Variants in TOM1L2 observed in about 807,000 individuals in gnomAD.
The protein encoded by TOM1L2 is target of myb1 like 2 membrane trafficking protein, also known as TOM1-like protein 2.
TOM1L2 carries 31 observed loss-of-function variants against 67.9 expected under a neutral mutation model. The observed-to-expected ratio is 0.46, with a 90% CI of 0.34 to 0.62. The LOEUF is 0.62. Ranked by LOEUF, TOM1L2 falls within the 20% of genes least tolerant of loss-of-function variation. The pLI is 0.01. For synonymous variants in TOM1L2, 256 were observed against 254.0 expected (o/e 1.01, Z -0.07); for missense variants, 606 against 663.5 (o/e 0.91, Z 0.95).
chr17:17,875,373 G>A (rs892985170), intron 7 of TOM1L2, among the ~76,000 whole-genome samples: 4 of 151,950 alleles, frequency 2.6e-5, no homozygotes, highest in African/African-American at 9.7e-5. Flanking sequence ...GTCCTCTGTG[G>A]TGTCATCACA....
At chr17:17,910,569 A>G (rs2039300560) in intron 1 of TOM1L2, among the ~76,000 whole-genome samples, 1 of 151,780 alleles carries the variant, frequency 6.6e-6, no homozygotes, top group African/African-American at 2.4e-5. Flanking sequence ...TACTATTATT[A>G]TTATTATTAT....
intron 1 of TOM1L2, among the ~76,000 whole-genome samples, chr17:17,910,581 T>A (rs375917269): frequency 2.3e-4 from 35 of 151,868 alleles, no homozygotes; most frequent in African/African-American, 6.3e-4. Flanking sequence ...TATTATTATT[T>A]TTATGTGAGA....
chr17:17,949,956 C>T (rs1340831063), intron 1 of TOM1L2, among the ~76,000 whole-genome samples: 1 of 152,088 alleles, frequency 6.6e-6, no homozygotes, highest in Non-Finnish European at 1.5e-5. Flanking sequence ...CTGCAAGCTC[C>T]GCCTCCCGGG....
At chr17:17,904,827 T>G (rs2039016920) in intron 2 of TOM1L2, among the ~76,000 whole-genome samples, 2 of 152,276 alleles carry the variant, frequency 1.3e-5, no homozygotes, top group African/African-American at 4.8e-5. Context: ...GGGACACATT[T>G]CTCCTGCCAT....
Position 17,972,346 on chromosome 17 carries a change from C to G in TOM1L2, c.-33G>C. 3 of 1,548,904 alleles carry G rather than the reference C, an allele frequency of 1.9e-6. No homozygotes were observed. The highest frequency in any genetic ancestry group is 1.2e-5 in the South Asian group (1 of 83,968). ...GGACAACACGCAGCGGCCCGGGCCC[C>G]CTGTCTGCCACCTAGGCCTCCGCTG... On this transcript the variant is annotated 5_prime_UTR_variant, in exon 1 of 15. Transcript: ENST00000379504.
chr17:17,893,270 C>T (rs2144213899), intron 4 of TOM1L2, among the ~76,000 whole-genome samples: 1 of 152,350 alleles, frequency 6.6e-6, no homozygotes, highest in South Asian at 2.1e-4. Flanking sequence ...CATCCCTTAA[C>T]ACCATCCCCA....
intron 8 of TOM1L2, chr17:17,869,038 T>TATCATTAAAAA: frequency 2.8e-6 from 1 of 352,134 alleles, no homozygotes; most frequent in South Asian, 3.0e-5. Flanking sequence ...GGCCCCCAAG[T>TATCATTAAAAA]GCTACCCCTC....
intron 1 of TOM1L2, among the ~76,000 whole-genome samples, chr17:17,933,246 G>A (rs547838508): frequency 4.9e-4 from 75 of 152,266 alleles, no homozygotes; most frequent in African/African-American, 1.6e-3. Context: ...TATAAAGCAG[G>A]CAGGAAGAAC....
intron 7 of TOM1L2, among the ~76,000 whole-genome samples, chr17:17,875,279 A>AAAAAAAT: frequency 1.3e-5 from 2 of 151,944 alleles, no homozygotes; most frequent in Admixed American, 6.6e-5. Flanking sequence ...GAAAAAAAAA[A>AAAAAAAT]AAAAAGGACA....
At chr17:17,901,116 T>C (rs1370171649) in intron 2 of TOM1L2, among the ~76,000 whole-genome samples, 1 of 152,168 alleles carries the variant, frequency 6.6e-6, no homozygotes, top group African/African-American at 2.4e-5. Context: ...AATTCATCCA[T>C]AGGCTCTGGG....
At chr17:17,896,602 C>T (rs2038584861) in intron 3 of TOM1L2, among the ~76,000 whole-genome samples, 1 of 152,196 alleles carries the variant, frequency 6.6e-6, no homozygotes, top group African/African-American at 2.4e-5. Context: ...GCAAGAGCCG[C>T]TTTAGGCCAC....
chr17:17,873,639 G>A (rs2037266436), intron 7 of TOM1L2, among the ~76,000 whole-genome samples: 1 of 152,248 alleles, frequency 6.6e-6, no homozygotes. Context: ...AGGGGTTGAT[G>A]TCAGTCTCCT....
At position 17,847,704 on chromosome 17, in the gene TOM1L2, A is replaced by G. The variant is rs751237099; in HGVS notation, c.1455T>C (p.Pro485=). Residue 485 remains proline, a synonymous_variant, in exon 15 of 15, where the codon CCT becomes CCC. Transcript: ENST00000379504. ...PDLPSPPMEA[P]APASNPSGRK... ...GGCCAGAAGGGTTTGAGGCTGGGGC[A>G]GGAGCCTCCATGGGGGGCGAGGGGA... 6 of 1,614,026 alleles carry G rather than the reference A, an allele frequency of 3.7e-6. 1 individual carries two copies. In the South Asian group the frequency reaches 6.6e-5, roughly 18 times the overall value.
intron 1 of TOM1L2, among the ~76,000 whole-genome samples, chr17:17,924,490 GT>G (rs1205899931): frequency 6.6e-6 from 1 of 152,148 alleles, no homozygotes; most frequent in Non-Finnish European, 1.5e-5. Flanking sequence ...CTAGGAATGT[GT>G]TCAATGTAGT....
chr17:17,944,886 G>T (rs2040877155), intron 1 of TOM1L2, among the ~76,000 whole-genome samples: 1 of 152,158 alleles, frequency 6.6e-6, no homozygotes, highest in African/African-American at 2.4e-5. Flanking sequence ...AACTCATCTG[G>T]GGCTAGTACT....
intron 1 of TOM1L2, among the ~76,000 whole-genome samples, chr17:17,935,050 T>C (rs2040467118): frequency 6.6e-6 from 1 of 152,212 alleles, no homozygotes; most frequent in South Asian, 2.1e-4. Flanking sequence ...GGAACCAAAA[T>C]GCACAAGACC....
At chr17:17,921,893 C>T (rs1273224963) in intron 1 of TOM1L2, among the ~76,000 whole-genome samples, 2 of 152,146 alleles carry the variant, frequency 1.3e-5, no homozygotes, top group Admixed American at 6.5e-5. Context: ...ACCACCAGCA[C>T]TCTCAGAGAA....
chr17:17,890,652 C>A (rs2038227896), intron 4 of TOM1L2, among the ~76,000 whole-genome samples: 1 of 152,164 alleles, frequency 6.6e-6, no homozygotes, highest in South Asian at 2.1e-4. Flanking sequence ...GGCAACAGAG[C>A]ACTCTGGATG....
chr17:17,933,709 T>C (rs2040417087), intron 1 of TOM1L2, among the ~76,000 whole-genome samples: 1 of 152,192 alleles, frequency 6.6e-6, no homozygotes, highest in South Asian at 2.1e-4. Context: ...GGATATTTAC[T>C]CTCATCCTCT....
Sources: gnomAD v4.1 joint callset for allele counts (sites outside exome capture counted in the v4.1 genomes callset) on GRCh38, gnomAD v4.1.1 for gene constraint, MANE v1.5 for transcripts, NCBI Gene and HGNC (gene_info 2026-07-23, HGNC 2026-07-21) for gene names.